The following TMC1 variants were observed in gnomAD, a reference collection of about 807,000 sequenced individuals.
TMC1 encodes transmembrane channel-like protein 1.
In TMC1, 84 loss-of-function variants were observed where a neutral mutation model predicts 105.8. That is an observed-to-expected ratio of 0.79 (90% CI 0.67 to 0.95). TMC1 has a LOEUF of 0.95. Ranked by LOEUF, TMC1 falls within the 40% of genes least tolerant of loss-of-function variation. TMC1 has a pLI of 0.00. For missense variants in TMC1, 817 were observed against 914.1 expected, an observed-to-expected ratio of 0.89 and a Z score of 1.37; for synonymous variants, 315 against 311.5, an observed-to-expected ratio of 1.01 and a Z score of -0.12.
In TMC1 at chr9:72,785,482, G is replaced by T. The variant is rs570412434; in HGVS notation, c.885-2857G>T. Among the ~76,000 whole-genome samples the T allele has an allele frequency of 2.6e-5, 4 of 152,190 alleles. No homozygotes were observed. In the East Asian group the frequency reaches 7.7e-4, roughly 29 times the overall value. ...CTTCCTTATTAGGTCAAAAACTTTT[G>T]CCTTTTCACTTAAAGGAAGCACTTT... On this transcript the variant is annotated intron_variant, in intron 13 of 23. Coordinates refer to ENST00000297784, the MANE Select transcript of TMC1 (RefSeq NM_138691.3).
At position 72,575,796 on chromosome 9, in the gene TMC1, A is replaced by G. The variant is rs1824368982; in HGVS notation, c.-427-2106A>G. ...GTATTGCTCACTTTGTTACTTCACA[A>G]TCCAGGGCTTGTGACATTTTTCTTC... is the stretch of plus-strand genomic sequence containing the variant. On this transcript the variant is annotated intron_variant, in intron 1 of 23. Coordinates refer to ENST00000297784, the MANE Select transcript of TMC1 (RefSeq NM_138691.3). 3.3e-5 allele frequency among the ~76,000 whole-genome samples: 5 copies of G among 152,028 alleles called. 1 individual carries two copies. In the East Asian group the frequency reaches 5.8e-4, roughly 18 times the overall value.
chr9:72,836,068 G>A lies in TMC1; in HGVS notation c.*95G>A. On this transcript the variant is annotated 3_prime_UTR_variant, in exon 24 of 24. Coordinates refer to ENST00000297784, the MANE Select transcript of TMC1 (RefSeq NM_138691.3). ...CCCAGAGAACAAGCACTGTGGAACT[G>A]CTATTTTCCTGTTCTACCCTTGATG... 1 of 1,407,896 alleles carries A rather than the reference G, an allele frequency of 7.1e-7. No individual in the cohort carries two copies. Among genetic ancestry groups the A allele is most frequent in the Non-Finnish European group, 1.0e-6 (1 of 1,000,818 alleles). 87.2% of individuals were successfully genotyped at this position (1,407,896 alleles called of 1,614,324 possible).
intron 5 of TMC1, among the ~76,000 whole-genome samples, chr9:72,663,807 G>A (rs1276577720): frequency 6.6e-6 from 1 of 151,864 alleles, no homozygotes; most frequent in African/African-American, 2.4e-5. Flanking sequence ...TGTAATAACA[G>A]CATAAAACAC....
chr9:72,727,247 T>C (rs1412922740), intron 8 of TMC1, among the ~76,000 whole-genome samples: 1 of 152,202 alleles, frequency 6.6e-6, no homozygotes, highest in Non-Finnish European at 1.5e-5. Context: ...CATTGTCCTC[T>C]CCCTTTTCAC....
At chr9:72,761,359 T>C (rs1179755479) in intron 12 of TMC1, among the ~76,000 whole-genome samples, 1 of 152,172 alleles carries the variant, frequency 6.6e-6, no homozygotes, top group Non-Finnish European at 1.5e-5. Context: ...TCAGCTGATA[T>C]CAGACAGTGA....
At chr9:72,743,697 T>C (rs1827438109) in intron 10 of TMC1, among the ~76,000 whole-genome samples, 1 of 151,936 alleles carries the variant, frequency 6.6e-6, no homozygotes, top group African/African-American at 2.4e-5. Context: ...GTGCCTTTAT[T>C]TTGTAGAATA....
chr9:72,802,024 C>T (rs111343728), intron 17 of TMC1, among the ~76,000 whole-genome samples: 2 of 152,174 alleles, frequency 1.3e-5, no homozygotes, highest in African/African-American at 4.8e-5. Flanking sequence ...TCTTCTAGAC[C>T]TGGCAGTAGA....
chr9:72,577,538 G>A (rs554780991), intron 1 of TMC1, among the ~76,000 whole-genome samples: 1 of 151,428 alleles, frequency 6.6e-6, no homozygotes, highest in South Asian at 2.1e-4. Context: ...CTGAGTTTCT[G>A]TAGCAGCCTG....
At position 72,678,117 on chromosome 9, in the gene TMC1, A is replaced by G. The variant is rs1241797245; in HGVS notation, c.17-10592A>G. Among the ~76,000 whole-genome samples the G allele has an allele frequency of 3.9e-5, 6 of 152,260 alleles. 1 individual carries two copies. The East Asian group carries it at 1.2e-3, about 29-fold the overall frequency. On this transcript the variant is annotated intron_variant, in intron 5 of 23. Transcript: ENST00000297784. ...TAAAATTTTGCAATCAATGTAACTG[A>G]GGCAGCATGGTATGAAAGCAACCCT...
At chr9:72,729,594 A>G (rs1199505200) in intron 8 of TMC1, among the ~76,000 whole-genome samples, 1 of 152,180 alleles carries the variant, frequency 6.6e-6, no homozygotes, top group Admixed American at 6.5e-5. Context: ...TTTTAGCCCA[A>G]TCTTCCAATA....
intron 18 of TMC1, among the ~76,000 whole-genome samples, chr9:72,806,134 C>T (rs1380816328): frequency 6.6e-6 from 1 of 151,242 alleles, no homozygotes; most frequent in East Asian, 2.0e-4. Context: ...GGCAGAGGCG[C>T]CCCTCACCTC....
At chr9:72,607,002 T>TATATAGAGAGAGAG (rs372785242) in intron 2 of TMC1, among the ~76,000 whole-genome samples, 294 of 134,952 alleles carry the variant, frequency 2.2e-3, no homozygotes, top group African/African-American at 6.7e-3. Flanking sequence ...TATATATATA[T>TATATAGAGAGAGAG]AGAGAGAGAG....
chr9:72,675,251 C>G (rs1376169549), intron 5 of TMC1, among the ~76,000 whole-genome samples: 4 of 152,090 alleles, frequency 2.6e-5, no homozygotes, highest in Non-Finnish European at 4.4e-5. Context: ...AAACTCATTT[C>G]TTGGGGAACA....
chr9:72,771,733 C>G (rs546756240), intron 12 of TMC1, among the ~76,000 whole-genome samples: 2 of 152,258 alleles, frequency 1.3e-5, no homozygotes, highest in South Asian at 4.1e-4. Flanking sequence ...GAAGCAGCAT[C>G]AGAATATGCC....
rs896715282 is a variant in TMC1, at chr9:72,836,303, T to TA, written c.*338dup. 37 of 300,138 alleles carry TA rather than the reference T, an allele frequency of 1.2e-4. 1 individual carries two copies. Among genetic ancestry groups the TA allele is most frequent in the African/African-American group, 4.5e-4 (21 of 46,188 alleles). The allele number at this position is 300,138 out of a possible 1,614,324, so 18.6% of individuals were successfully genotyped here. On this transcript the variant is annotated 3_prime_UTR_variant, in exon 24 of 24. Coordinates refer to ENST00000297784, the MANE Select transcript of TMC1 (RefSeq NM_138691.3). ...TTACTGGTTTAGTTGGTGGGTTAAT[T>TA]AAAAAAAATTTGCTCATATGAACTT...
intron 3 of TMC1, among the ~76,000 whole-genome samples, chr9:72,617,526 A>G (rs1264030594): frequency 6.6e-6 from 1 of 152,152 alleles, no homozygotes; most frequent in African/African-American, 2.4e-5. Flanking sequence ...CGCAAGTTGT[A>G]AATATATTAA....
rs1019122214 is a variant in TMC1 at position 72,789,310 on chromosome 9, A to G, written c.1217A>G (p.Lys406Arg). Reference protein sequence around the residue: ...QDPDTLGWWEKNEMNMVMSLL... With the variant: ...QDPDTLGWWERNEMNMVMSLL... ...CCTGACACCCTTGGGTGGTGGGAAA[A>G]AAATGAAGTTCGTCTCTGCATGCTT... Residue 406 changes from lysine to arginine, a missense_variant, in exon 15 of 24, where the codon AAA becomes AGA. By Grantham distance (26) the Lys-to-Arg change is conservative. Transcript: ENST00000297784. 6.2e-7 allele frequency: 1 copy of G among 1,613,950 alleles called. No individual in the cohort carries two copies. The highest frequency in any genetic ancestry group is 1.3e-5 in the African/African-American group (1 of 75,028).
At chr9:72,611,778 A>G (rs1825028279) in intron 2 of TMC1, among the ~76,000 whole-genome samples, 1 of 152,206 alleles carries the variant, frequency 6.6e-6, no homozygotes, top group South Asian at 2.1e-4. Flanking sequence ...TTCAAGCTGC[A>G]TTCCTTGGAG....
intron 5 of TMC1, among the ~76,000 whole-genome samples, chr9:72,660,980 C>T (rs537409499): frequency 6.6e-6 from 1 of 152,236 alleles, no homozygotes; most frequent in South Asian, 2.1e-4. Flanking sequence ...TAAACCCTGT[C>T]TCTACCAGAA....
Sources: gnomAD v4.1 joint callset for allele counts (sites outside exome capture counted in the v4.1 genomes callset) on GRCh38, gnomAD v4.1.1 for gene constraint, MANE v1.5 for transcripts, NCBI Gene and HGNC (gene_info 2026-07-23, HGNC 2026-07-21) for gene names.